The following SIPA1L1 variants were observed in gnomAD, a reference collection of about 807,000 sequenced individuals.
The protein encoded by SIPA1L1 is signal induced proliferation associated 1 like 1.
In SIPA1L1, 26 loss-of-function variants were observed where a neutral mutation model predicts 162.7. That is an observed-to-expected ratio of 0.16 (90% confidence interval 0.12 to 0.22). The LOEUF (loss-of-function observed/expected upper bound fraction) is 0.22, where lower values mean the gene tolerates loss of function less well. SIPA1L1 is among the 10% of genes least tolerant of loss of function. SIPA1L1 has a pLI of 1.00. For synonymous variants in SIPA1L1, 829 were observed against 837.4 expected, an observed-to-expected ratio of 0.99 and a Z score of 0.17; for missense variants, 1,874 against 2,241.0, an observed-to-expected ratio of 0.84 and a Z score of 3.31.
Position 71,723,671 on chromosome 14 carries a change from C to T in SIPA1L1, c.4233C>T (p.Ala1411=). The change falls in exon 18 of 24, where the codon GCC becomes GCT. Residue 1411 remains alanine, a synonymous_variant. Coordinates refer to ENST00000381232, the MANE Select transcript of SIPA1L1 (RefSeq NM_001386936.1). The stretch of plus-strand genomic sequence containing the variant: ...GTACCATGAGCTCCCGACACTCTGC[C>T]AGCCCAGTGGTTTTCACCAGTGCCC... ...HTSTMSSRHS[A]SPVVFTSARS... is the part of the protein sequence containing the mutation. The T allele has an allele frequency of 1.2e-6, 2 of 1,614,208 alleles. No homozygotes were observed. The highest frequency in any genetic ancestry group is 1.7e-6 in the Non-Finnish European group (2 of 1,180,036).
chr14:71,539,862 T>C (rs2145714258), intron 4 of SIPA1L1, among the ~76,000 whole-genome samples: 1 of 152,320 alleles, frequency 6.6e-6, no homozygotes, highest in Non-Finnish European at 1.5e-5. Flanking sequence ...AGTAATTAAA[T>C]CTATTACTGT....
intron 2 of SIPA1L1, among the ~76,000 whole-genome samples, chr14:71,448,301 A>G (rs1444178185): frequency 6.6e-6 from 1 of 152,192 alleles, no homozygotes; most frequent in Non-Finnish European, 1.5e-5. Context: ...TTTATTGATC[A>G]ATCAGTTGCC....
chr14:71,659,327 A>G (rs994234937), intron 9 of SIPA1L1, among the ~76,000 whole-genome samples: 2 of 152,208 alleles, frequency 1.3e-5, no homozygotes, highest in Non-Finnish European at 2.9e-5. Context: ...GAAGTTAACC[A>G]AACACTGATC....
chr14:71,392,750 G>C (rs1279205439), intron 2 of SIPA1L1, among the ~76,000 whole-genome samples: 1 of 152,058 alleles, frequency 6.6e-6, no homozygotes, highest in African/African-American at 2.4e-5. Context: ...AGCCAGGATG[G>C]TCTCAATCTC....
intron 2 of SIPA1L1, among the ~76,000 whole-genome samples, chr14:71,464,661 AC>A (rs1405830993): frequency 4.0e-5 from 6 of 151,772 alleles, no homozygotes; most frequent in African/African-American, 1.5e-4. Context: ...ACAAAACAAA[AC>A]AAAAAAAACA....
intron 4 of SIPA1L1, among the ~76,000 whole-genome samples, chr14:71,578,479 T>G (rs187503110): frequency 9.9e-5 from 15 of 152,198 alleles, no homozygotes; most frequent in Non-Finnish European, 1.5e-4. Context: ...TGAATGCAGT[T>G]GAATATTTGA....
At chr14:71,646,451 C>T (rs1386691713) in intron 7 of SIPA1L1, among the ~76,000 whole-genome samples, 1 of 152,224 alleles carries the variant, frequency 6.6e-6, no homozygotes, top group Admixed American at 6.5e-5. Flanking sequence ...GCTGGGATTA[C>T]AGGCGTGAGC....
At chr14:71,684,245 G>A (rs1263964074) in intron 12 of SIPA1L1, among the ~76,000 whole-genome samples, 1 of 152,238 alleles carries the variant, frequency 6.6e-6, no homozygotes, top group Non-Finnish European at 1.5e-5. Context: ...AGGTGGGGGA[G>A]AAGATGCATT....
intron 7 of SIPA1L1, among the ~76,000 whole-genome samples, chr14:71,642,811 T>G (rs942568670): frequency 6.6e-6 from 1 of 152,130 alleles, no homozygotes; most frequent in African/African-American, 2.4e-5. Context: ...GATTGAACAT[T>G]AAGTAGAAAT....
intron 2 of SIPA1L1, among the ~76,000 whole-genome samples, chr14:71,486,745 G>C (rs190548122): frequency 6.6e-6 from 1 of 152,100 alleles, no homozygotes; most frequent in African/African-American, 2.4e-5. Context: ...TTATTTCCCA[G>C]GTCATTTCTA....
chr14:71,692,978 C>G (rs1410568938), intron 13 of SIPA1L1, among the ~76,000 whole-genome samples: 1 of 152,086 alleles, frequency 6.6e-6, no homozygotes, highest in African/African-American at 2.4e-5. Flanking sequence ...CTTTAACATC[C>G]CCATGACTCA....
At chr14:71,452,655 A>G (rs1225675985) in intron 2 of SIPA1L1, among the ~76,000 whole-genome samples, 2 of 152,124 alleles carry the variant, frequency 1.3e-5, no homozygotes, top group Non-Finnish European at 2.9e-5. Flanking sequence ...TCTCACACAC[A>G]GTGTGTGAGA....
At chr14:71,581,816 T>C (rs2033969676) in intron 4 of SIPA1L1, among the ~76,000 whole-genome samples, 1 of 152,190 alleles carries the variant, frequency 6.6e-6, no homozygotes, top group African/African-American at 2.4e-5. Context: ...TTATAACTTA[T>C]CACACCTCAA....
At chr14:71,722,700 A>G (rs1219135546) in intron 17 of SIPA1L1, among the ~76,000 whole-genome samples, 2 of 152,116 alleles carry the variant, frequency 1.3e-5, no homozygotes, top group African/African-American at 4.8e-5. Context: ...GAAACCCCAG[A>G]GTTTTGGACT....
chr14:71,470,802 A>G (rs1225907437), intron 2 of SIPA1L1, among the ~76,000 whole-genome samples: 1 of 152,092 alleles, frequency 6.6e-6, no homozygotes, highest in Admixed American at 6.6e-5. Flanking sequence ...AAAACTTCCC[A>G]GAGGACTCAG....
Position 71,715,089 on chromosome 14 carries a change from G to C in SIPA1L1, c.4208+5425G>C, listed in dbSNP as rs561251017. ...CCTGCTTGCCTTAACCTAGTTATTGGATATAGATTATTGACTATAACGTGG... is the reference window on the plus strand; with the variant it reads ...CCTGCTTGCCTTAACCTAGTTATTGCATATAGATTATTGACTATAACGTGG... On this transcript the variant is annotated intron_variant, in intron 17 of 23. Transcript: ENST00000381232. Among the ~76,000 whole-genome samples, 9 of 152,312 alleles carry C rather than the reference G, an allele frequency of 5.9e-5. No individual in the cohort carries two copies. In the South Asian group the frequency reaches 1.9e-3, roughly 32 times the overall value.
rs2042885789 is a variant in SIPA1L1 at position 71,654,394 on chromosome 14, G to A, written c.1993+3885G>A. Among the ~76,000 whole-genome samples, 3 of 152,234 alleles carry A rather than the reference G, an allele frequency of 2.0e-5. No individual in the cohort carries two copies. The South Asian group carries it at 6.2e-4, about 32-fold the overall frequency. On this transcript the variant is annotated intron_variant, in intron 8 of 23. Coordinates refer to ENST00000381232, the MANE Select transcript of SIPA1L1 (RefSeq NM_001386936.1). The stretch of plus-strand genomic sequence containing the variant: ...AGCAGTTTGTTATTTGAAAGCTGGA[G>A]ACCATCCTCATTTTTAGCTACGTAC...
chr14:71,739,071 C>G lies in SIPA1L1; in HGVS notation c.5262C>G (p.Asp1754Glu). The G allele has an allele frequency of 6.2e-7, 1 of 1,614,144 alleles. No homozygotes were observed. The highest frequency in any genetic ancestry group is 8.5e-7 in the Non-Finnish European group (1 of 1,180,006). Residue 1754 changes from aspartate (D) to glutamate (E), a missense_variant, in exon 24 of 24, where the codon GAC (aspartate) becomes GAG (glutamate). Physicochemically the swap from Asp to Glu is conservative, Grantham distance 45. This residue lies in a region of SIPA1L1 where 936 missense variants were observed against 1,051.9 expected (regional missense o/e 0.89). Coordinates refer to ENST00000381232, the MANE Select transcript of SIPA1L1 (RefSeq NM_001386936.1). ...LQAEVQHLRE[D>E]NLRLQEESQN... ...CGGAGGTGCAGCACCTGCGAGAGGACAACCTGAGGCTACAGGAGGAGTCCC... is the reference window on the plus strand; with the variant it reads ...CGGAGGTGCAGCACCTGCGAGAGGAGAACCTGAGGCTACAGGAGGAGTCCC...
At chr14:71,530,034 C>A (rs1166953536) in intron 4 of SIPA1L1, among the ~76,000 whole-genome samples, 1 of 152,220 alleles carries the variant, frequency 6.6e-6, no homozygotes, top group Admixed American at 6.5e-5. Context: ...AGCCCTGAAG[C>A]TTGCCCTTTC....
Sources: gnomAD v4.1 joint callset for allele counts (sites outside exome capture counted in the v4.1 genomes callset) on GRCh38, gnomAD v4.1.1 for gene constraint, gnomAD v4.1.1 regional missense constraint, MANE v1.5 for transcripts, NCBI Gene and HGNC (gene_info 2026-07-23, HGNC 2026-07-21) for gene names.